OTOF: variants seen among roughly 807,000 people sequenced by gnomAD.
OTOF encodes otoferlin.
In OTOF, 218 loss-of-function variants were observed where a neutral mutation model predicts 236.8. The observed-to-expected ratio is 0.92, with a 90% confidence interval of 0.82 to 1.03. The LOEUF is 1.03. OTOF is among the 50% of genes least tolerant of loss of function. The pLI is 0.00. For synonymous variants in OTOF, 1,041 were observed against 1,072.5 expected, an observed-to-expected ratio of 0.97 and a Z score of 0.57; for missense variants, 2,590 against 2,694.4, an observed-to-expected ratio of 0.96 and a Z score of 0.86.
At chr2:26,558,389 T>C (rs1371637747) in intron 1 of OTOF, 104 bp downstream of exon 1, 1 of 1,028,816 alleles carries the variant, frequency 9.7e-7, no homozygotes, top group Non-Finnish European at 1.5e-6. Flanking sequence ...GCTAGAACTT[T>C]TCCCACCCAT....
chr2:26,472,322 C>T, intron 30 of OTOF, 197 bp downstream of exon 30: 1 of 670,818 alleles, frequency 1.5e-6, no homozygotes. Flanking sequence ...TTACATACCA[C>T]ACGCACGCGT....
chr2:26,501,791 T>G lies in OTOF; in HGVS notation c.728A>C (p.Lys243Thr). The G allele has an allele frequency of 1.2e-6, 2 of 1,613,810 alleles. No homozygotes were observed. The highest frequency in any genetic ancestry group is 1.7e-6 in the Non-Finnish European group (2 of 1,179,678). ...VSNKRSKPDI[K>T]MEPSAGRPMD... The stretch of plus-strand genomic sequence containing the variant: ...GGGCCGCCCAGCACTTGGCTCCATC[T>G]TAATGTCTGGCTTAGATCTGAGGAA... The change falls in exon 8 of 47, where the codon AAG (lysine) becomes ACG (threonine). Residue 243 changes from lysine to threonine, a missense_variant. By Grantham distance (78) the Lys-to-Thr change is moderately conservative. Around this residue, in one of 2 missense-constraint regions of OTOF, gnomAD observed 1,379 missense variants for 1,341.6 expected, o/e 1.03. Coordinates refer to ENST00000272371, the MANE Select transcript of OTOF (RefSeq NM_194248.3).
At position 26,476,118 on chromosome 2, in the gene OTOF, CCTCA is replaced by C. The variant is rs767621482; in HGVS notation, c.2866+6_2866+9del. The C allele has an allele frequency of 1.0e-4, 168 of 1,611,208 alleles. No individual in the cohort carries two copies. Among genetic ancestry groups the C allele is most frequent in the Non-Finnish European group, 1.4e-4 (164 of 1,179,442 alleles). On this transcript the variant is annotated splice_donor_region_variant and intron_variant, in intron 23 of 46. Coordinates refer to ENST00000272371, the MANE Select transcript of OTOF (RefSeq NM_194248.3). ...CCAGGTGAGGCTTCGAGTGAGGGGT[CCTCA>C]CTCACTGGTGTAGACCAGGCTGACG...
intron 8 of OTOF, among the ~76,000 whole-genome samples, chr2:26,496,587 C>CAG (rs140854436): frequency 2.7e-5 from 4 of 150,872 alleles, no homozygotes; most frequent in African/African-American, 7.3e-5. Context: ...GAGAGAGAGA[C>CAG]AGAGAGAGAG....
chr2:26,516,388 G>A (rs1666525024), intron 5 of OTOF, 30 bp downstream of exon 5: 2 of 1,603,818 alleles, frequency 1.2e-6, no homozygotes, highest in Non-Finnish European at 1.7e-6. Flanking sequence ...CTTGGGAGCA[G>A]TGGGCAGCCA....
Position 26,461,546 on chromosome 2 carries a change from C to A in OTOF, c.5533+150G>T. ...GGACGGTTAGGTGGGTCCTTGGGGGCGGAACCCCGTCGGACACCCCTGGCT... is the reference window on the plus strand; with the variant it reads ...GGACGGTTAGGTGGGTCCTTGGGGGAGGAACCCCGTCGGACACCCCTGGCT... On this transcript the variant is annotated intron_variant, in intron 43 of 46. Coordinates refer to ENST00000272371, the MANE Select transcript of OTOF (RefSeq NM_194248.3). The surrounding 1 kb of genome is among the most constrained non-coding windows in gnomAD (Gnocchi z 6.2). The A allele has an allele frequency of 1.9e-6, 2 of 1,076,782 alleles. No homozygotes were observed. The highest frequency in any genetic ancestry group is 1.4e-5 in the South Asian group (1 of 72,230). 66.7% of individuals were successfully genotyped at this position (1,076,782 alleles called of 1,614,324 possible).
At chr2:26,520,820 T>G (rs1309111364) in intron 3 of OTOF, among the ~76,000 whole-genome samples, 1 of 152,248 alleles carries the variant, frequency 6.6e-6, no homozygotes, top group Non-Finnish European at 1.5e-5. Context: ...TACACTCATC[T>G]TTTTGCAGCC....
At chr2:26,522,208 A>C (rs1215689514) in intron 3 of OTOF, among the ~76,000 whole-genome samples, 1 of 152,234 alleles carries the variant, frequency 6.6e-6, no homozygotes, top group Non-Finnish European at 1.5e-5. Context: ...CCTCTCTCAA[A>C]TAAAAGTAAA....
chr2:26,502,608 T>C (rs1475506510), intron 6 of OTOF, among the ~76,000 whole-genome samples, 182 bp from the exon 7 acceptor site: 1 of 152,190 alleles, frequency 6.6e-6, no homozygotes, highest in Non-Finnish European at 1.5e-5. Flanking sequence ...ATCTTGGATT[T>C]GAATGGCCAT....
intron 4 of OTOF, 104 bp downstream of exon 4, chr2:26,518,906 G>A (rs955883746): frequency 5.6e-5 from 45 of 808,818 alleles, no homozygotes; most frequent in Non-Finnish European, 8.1e-5. Context: ...ACCTCGCCAT[G>A]CATGAGAGGC....
At chr2:26,499,425 C>T (rs7587572) in intron 8 of OTOF, among the ~76,000 whole-genome samples, 2 of 151,886 alleles carry the variant, frequency 1.3e-5, no homozygotes, top group Admixed American at 1.3e-4. Context: ...GTCCTTCCTG[C>T]GGTCTTTATA....
intron 32 of OTOF, among the ~76,000 whole-genome samples, chr2:26,469,318 A>G (rs1664875951): frequency 6.6e-6 from 1 of 152,248 alleles, no homozygotes; most frequent in Admixed American, 6.5e-5. Context: ...TTGCAGGAGT[A>G]GAGACGACAA....
chr2:26,482,652 T>C, intron 13 of OTOF, 60 bp from the exon 14 acceptor site: 2 of 1,457,488 alleles, frequency 1.4e-6, no homozygotes, highest in Non-Finnish European at 1.9e-6. Context: ...GGTGCATGTG[T>C]GTGTGTGTGA....
chr2:26,489,755 A>T lies in OTOF; in HGVS notation c.898-15T>A. 1 of 1,607,032 alleles carries T rather than the reference A, an allele frequency of 6.2e-7. No individual in the cohort carries two copies. The highest frequency in any genetic ancestry group is 8.5e-7 in the Non-Finnish European group (1 of 1,174,610). On this transcript the variant is annotated splice_polypyrimidine_tract_variant and intron_variant, in intron 9 of 46. Transcript: ENST00000272371. The stretch of plus-strand genomic sequence containing the variant: ...AAGACGAAGTACTGGAGGGGGAAGG[A>T]TCCAGGCCTGCTGTCACTGAGGGCA...
rs374726433 is a variant in OTOF, at chr2:26,488,606, G to A, written c.1045+605C>T. The stretch of plus-strand genomic sequence containing the variant: ...AGACCAGAGTCCCTCAGAGGCCGCC[G>A]CACTACATCTGGCATTGACCAGCAT... On this transcript the variant is annotated intron_variant, in intron 11 of 46. Coordinates refer to ENST00000272371, the MANE Select transcript of OTOF (RefSeq NM_194248.3). Among the ~76,000 whole-genome samples the A allele has an allele frequency of 8.5e-5, 13 of 152,358 alleles. No homozygotes were observed. In the South Asian group the frequency reaches 2.3e-3, roughly 27 times the overall value.
chr2:26,534,586 C>T (rs1038522762), intron 2 of OTOF, among the ~76,000 whole-genome samples: 1 of 152,160 alleles, frequency 6.6e-6, no homozygotes, highest in South Asian at 2.1e-4. Context: ...GAGGAGGGGC[C>T]CCTCCCTTGC....
In OTOF at chr2:26,551,092, C is replaced by T. The variant is rs1434307539; in HGVS notation, c.79+7401G>A. ...GCAGCCTCTGCCTCCTGGGTTCAAG[C>T]GATTCTCCTGCCTCAGCCTCCCGAG... is the stretch of plus-strand genomic sequence containing the variant. On this transcript the variant is annotated intron_variant, in intron 1 of 46. Transcript: ENST00000272371. Among the ~76,000 whole-genome samples the T allele has an allele frequency of 6.6e-5, 10 of 152,260 alleles. No individual in the cohort carries two copies. In the South Asian group the frequency reaches 1.2e-3, roughly 19 times the overall value.
chr2:26,555,308 T>C (rs1227941464), intron 1 of OTOF, among the ~76,000 whole-genome samples: 1 of 152,226 alleles, frequency 6.6e-6, no homozygotes, highest in Non-Finnish European at 1.5e-5. Context: ...CCCTGTGGCC[T>C]GCAGGCACAA....
intron 1 of OTOF, among the ~76,000 whole-genome samples, chr2:26,557,455 C>A (rs1485406017): frequency 6.6e-6 from 1 of 152,156 alleles, no homozygotes; most frequent in Non-Finnish European, 1.5e-5. Context: ...CCTGCCTTTC[C>A]CCACTTAAAA....
Sources: gnomAD v4.1 joint callset for allele counts (sites outside exome capture counted in the v4.1 genomes callset) on GRCh38, gnomAD v4.1.1 for gene constraint, gnomAD v4.1.1 regional missense constraint, Gnocchi (gnomAD v3.1) non-coding constraint, MANE v1.5 for transcripts, NCBI Gene and HGNC (gene_info 2026-07-23, HGNC 2026-07-21) for gene names.